Variants in ATAD2 observed in about 807,000 individuals in gnomAD.
ATAD2 encodes ATPase family AAA domain-containing protein 2.
A neutral mutation model predicts 168.9 loss-of-function variants in ATAD2; 62 were observed. The observed-to-expected ratio is 0.37, with a 90% CI of 0.30 to 0.45. The LOEUF is 0.45. Among genes scored for constraint, ATAD2 ranks in the 20% least tolerant of loss-of-function variants. ATAD2 has a pLI of 1.00. For synonymous variants in ATAD2, 613 were observed against 571.6 expected (o/e 1.07, Z -1.03); for missense variants, 1,419 against 1,667.8 (o/e 0.85, Z 2.60).
At chr8:123,376,475 T>C (rs1310471853) in intron 2 of ATAD2, among the ~76,000 whole-genome samples, 3 of 150,492 alleles carry the variant, frequency 2.0e-5, no homozygotes, top group Non-Finnish European at 4.4e-5. Flanking sequence ...GTTAGGAGAA[T>C]TGCTTGAACC....
At chr8:123,347,508 C>T (rs1368769783) in intron 15 of ATAD2, 102 bp from the exon 16 acceptor site, 4 of 1,206,656 alleles carry the variant, frequency 3.3e-6, no homozygotes, top group South Asian at 1.6e-5. Context: ...TAAAAATCAG[C>T]CTCGGAATAT....
At chr8:123,353,532 A>AT (rs1007969538) in intron 13 of ATAD2, among the ~76,000 whole-genome samples, 1 of 152,128 alleles carries the variant, frequency 6.6e-6, no homozygotes. Context: ...ATCCCTCAAA[A>AT]TTGGCTCCTA....
intron 18 of ATAD2, among the ~76,000 whole-genome samples, chr8:123,345,744 G>A (rs1828220014): frequency 6.6e-6 from 1 of 152,022 alleles, no homozygotes; most frequent in Non-Finnish European, 1.5e-5. Flanking sequence ...AACAGAAACT[G>A]CAGAATATCT....
chr8:123,398,209 T>A (rs931838913), upstream of ATAD2, among the ~76,000 whole-genome samples: 2 of 151,502 alleles, frequency 1.3e-5, no homozygotes, highest in African/African-American at 2.4e-5. Context: ...GCTTTTTTTT[T>A]GAGAGAGGTT....
At chr8:123,401,860 T>G in intron 1 of ATAD2, 1 of 762,388 alleles carries the variant, frequency 1.3e-6, no homozygotes. Context: ...GATACTTCAG[T>G]GAGGAGGATA....
At chr8:123,347,450 C>T (rs1357997007) in intron 15 of ATAD2, 44 bp from the exon 16 acceptor site, 9 of 1,477,792 alleles carry the variant, frequency 6.1e-6, no homozygotes, top group African/African-American at 2.8e-5. Context: ...GCCGACCAAA[C>T]AAAGAAACAC....
In ATAD2 at chr8:123,402,481, C is replaced by G. The variant is rs1250312779; in HGVS notation, c.-2281-1306G>C. Among the ~76,000 whole-genome samples, 1 of 152,198 alleles carries G rather than the reference C, an allele frequency of 6.6e-6. No individual in the cohort carries two copies. The highest frequency in any genetic ancestry group is 1.5e-5 in the Non-Finnish European group (1 of 68,012). On this transcript the variant is annotated intron_variant, in intron 1 of 28. Coordinates refer to the ATAD2 transcript ENST00000521903. The surrounding 1 kb of genome is among the most constrained non-coding windows in gnomAD (Gnocchi z 4.8). ...GCCCCCAGTCCCCCAGGAAATGGTG[C>G]TCTCCTGGCCCTGCCTCTGGCCTAC... is the stretch of plus-strand genomic sequence containing the variant.
chr8:123,348,585 G>C (rs1586872178), intron 14 of ATAD2, among the ~76,000 whole-genome samples: 1 of 152,182 alleles, frequency 6.6e-6, no homozygotes, highest in Admixed American at 6.5e-5. Flanking sequence ...TCTGAGGCAC[G>C]AGAATTGCTT....
intron 8 of ATAD2, among the ~76,000 whole-genome samples, chr8:123,365,659 A>G (rs905494461): frequency 5.9e-5 from 9 of 152,182 alleles, no homozygotes; most frequent in African/African-American, 2.2e-4. Flanking sequence ...ACAGAAACAT[A>G]AAGTGGGGAA....
At chr8:123,322,412 T>C (rs144863504) in intron 27 of ATAD2, among the ~76,000 whole-genome samples, 273 of 152,352 alleles carry the variant, frequency 1.8e-3, no homozygotes, top group African/African-American at 6.4e-3. Context: ...CTCACGTTTG[T>C]AATTCCAGTA....
intron 13 of ATAD2, among the ~76,000 whole-genome samples, chr8:123,350,212 CA>C (rs1180401577): frequency 1.3e-5 from 2 of 152,078 alleles, no homozygotes; most frequent in African/African-American, 4.8e-5. Flanking sequence ...AAATGATCTC[CA>C]AATTTCCATC....
chr8:123,375,246 G>A (rs1009546095), intron 2 of ATAD2, among the ~76,000 whole-genome samples: 2 of 152,152 alleles, frequency 1.3e-5, no homozygotes, highest in Non-Finnish European at 2.9e-5. Flanking sequence ...CTTCTTGACA[G>A]AAGACATACA....
At chr8:123,411,203 A>G (rs985108622) in intron 1 of ATAD2, among the ~76,000 whole-genome samples, 1 of 152,172 alleles carries the variant, frequency 6.6e-6, no homozygotes, top group Non-Finnish European at 1.5e-5. Context: ...TCAAAGCTGC[A>G]AAACTACAAA....
chr8:123,400,669 T>C (rs982211843), upstream of ATAD2: 6 of 723,616 alleles, frequency 8.3e-6, no homozygotes, highest in African/African-American at 1.0e-4. This position sits in a 1 kb window ranked among gnomAD's most constrained non-coding sequence, Gnocchi z 4.5. Flanking sequence ...CAGCCTCACC[T>C]ACAACGAGTT....
rs1484950348 is a variant in ATAD2 at position 123,402,799 on chromosome 8, A to G, written c.-2281-1624T>C. Among the ~76,000 whole-genome samples the G allele has an allele frequency of 1.4e-5, 2 of 144,862 alleles. No individual in the cohort carries two copies. The highest frequency in any genetic ancestry group is 5.1e-5 in the African/African-American group (2 of 39,044). On this transcript the variant is annotated intron_variant, in intron 1 of 28. Coordinates refer to the ATAD2 transcript ENST00000521903. This position sits in a 1 kb window ranked among gnomAD's most constrained non-coding sequence, Gnocchi z 4.8. ...GTGTATTAAATAATCAGAATAAATC[A>G]AGCAGGTCTCAATGCCAATAATAAT...
rs1586913110 is a variant in ATAD2, at chr8:123,402,141, A to G, written c.-2281-966T>C. 3.9e-6 allele frequency: 3 copies of G among 765,472 alleles called. No individual in the cohort carries two copies. The highest frequency in any genetic ancestry group is 6.8e-6 in the Non-Finnish European group (3 of 438,012). The allele number at this position is 765,472 out of a possible 1,614,324, so 47.4% of individuals were successfully genotyped here. A position where few individuals can be genotyped will look rare whatever the true frequency, so the allele number is the denominator to read the frequency against. The stretch of plus-strand genomic sequence containing the variant: ...TGGAGGCCGAGGTGGTGGAGGGGGC[A>G]CCCCCCAGTGTCCACCTTCGGGCAT... On this transcript the variant is annotated intron_variant, in intron 1 of 28. Coordinates refer to the ATAD2 transcript ENST00000521903. This position sits in a 1 kb window ranked among gnomAD's most constrained non-coding sequence, Gnocchi z 4.8.
intron 19 of ATAD2, among the ~76,000 whole-genome samples, chr8:123,343,188 C>CTGG (rs1828116932): frequency 6.6e-6 from 1 of 151,946 alleles, no homozygotes; most frequent in Admixed American, 6.6e-5. Flanking sequence ...GTTGGCCAGG[C>CTGG]TGGTCTTGAA....
intron 1 of ATAD2, among the ~76,000 whole-genome samples, chr8:123,391,372 A>T (rs2129950714): frequency 6.6e-6 from 1 of 151,266 alleles, no homozygotes; most frequent in Non-Finnish European, 1.5e-5. Flanking sequence ...AGCCCAGCTG[A>T]ATGAGAACAT....
upstream of ATAD2, chr8:123,401,136 G>A (rs1812990948): frequency 2.5e-6 from 3 of 1,209,174 alleles, no homozygotes; most frequent in African/African-American, 3.0e-5. Flanking sequence ...AGCTGGTGGT[G>A]GCTCCAGCAG....
Sources: gnomAD v4.1 joint callset for allele counts (sites outside exome capture counted in the v4.1 genomes callset) on GRCh38, gnomAD v4.1.1 for gene constraint, Gnocchi (gnomAD v3.1) non-coding constraint, MANE v1.5 for transcripts, NCBI Gene and HGNC (gene_info 2026-07-23, HGNC 2026-07-21) for gene names.